The following KATNAL2 variants were observed in gnomAD, a reference collection of about 807,000 sequenced individuals.
KATNAL2 encodes katanin p60 ATPase-containing subunit A-like 2.
A neutral mutation model predicts 76.3 loss-of-function variants in KATNAL2; 52 were observed. The observed-to-expected ratio is 0.68, with a 90% CI of 0.55 to 0.86. The LOEUF (loss-of-function observed/expected upper bound fraction) is 0.86. Among genes scored for constraint, KATNAL2 ranks in the 40% least tolerant of loss-of-function variants. KATNAL2 has a pLI of 0.00. For missense variants in KATNAL2, 660 were observed against 668.9 expected (o/e 0.99, Z 0.15); for synonymous variants, 243 against 244.2 (o/e 1.00, Z 0.05).
chr18:47,049,363 C>G (rs919338337), intron 4 of KATNAL2, among the ~76,000 whole-genome samples: 14 of 152,182 alleles, frequency 9.2e-5, no homozygotes, highest in Non-Finnish European at 1.9e-4. Flanking sequence ...TCTTAATACC[C>G]AACTTGGTTC....
intron 3 of KATNAL2, among the ~76,000 whole-genome samples, chr18:46,947,373 C>A (rs1012633321): frequency 6.6e-6 from 1 of 152,086 alleles, no homozygotes; most frequent in Non-Finnish European, 1.5e-5. Flanking sequence ...ATTTAATTCC[C>A]CTCTTGGGCT....
At chr18:47,028,318 TGCCGCCGCCGCTCACGCTGCC>T (rs756714594) in intron 3 of KATNAL2, 2 of 116,616 alleles carry the variant, frequency 1.7e-5, no homozygotes, top group Non-Finnish European at 1.3e-5. Flanking sequence ...CGGTTGCTGC[TGCCGCCGCCGCTCACGCTGCC>T]GCCGTCGCCG....
At chr18:46,948,743 T>C (rs2146680941) in intron 3 of KATNAL2, among the ~76,000 whole-genome samples, 1 of 152,050 alleles carries the variant, frequency 6.6e-6, no homozygotes, top group East Asian at 1.9e-4. Flanking sequence ...TCTAATACTA[T>C]CTATATACCA....
intron 6 of KATNAL2, 125 bp from the exon 7 acceptor site, chr18:47,058,110 A>T: frequency 1.4e-6 from 1 of 709,556 alleles, no homozygotes; most frequent in Non-Finnish European, 2.5e-6. Flanking sequence ...GAAGGGCCCT[A>T]TAGTTGCCAC....
chr18:47,078,783 C>T (rs1372096951), intron 15 of KATNAL2, among the ~76,000 whole-genome samples: 1 of 151,940 alleles, frequency 6.6e-6, no homozygotes, highest in Admixed American at 6.6e-5. Context: ...TTTCCTAAGC[C>T]CAAATAAAAT....
rs116796211 is a variant in KATNAL2, at chr18:46,944,770, A to G, written c.-509-1287A>G. Among the ~76,000 whole-genome samples the G allele has an allele frequency of 4.3e-3, 653 of 152,234 alleles. 5 individuals carry two copies. Among genetic ancestry groups the G allele is most frequent in the African/African-American group, 0.015 (632 of 41,558 alleles). On this transcript the variant is annotated intron_variant, in intron 1 of 17. Transcript: ENST00000683218. ...AATAAATAAAAATAAAAAATAAAGTATATGGAAATTAGCTGGGCGTGGTGG... is the reference window on the plus strand; with the variant it reads ...AATAAATAAAAATAAAAAATAAAGTGTATGGAAATTAGCTGGGCGTGGTGG...
intron 8 of KATNAL2, 62 bp from the exon 9 acceptor site, chr18:47,062,910 A>T: frequency 7.6e-7 from 1 of 1,318,652 alleles, no homozygotes; most frequent in Non-Finnish European, 1.1e-6. Flanking sequence ...AATGAAACTG[A>T]GTTATTAAGA....
intron 3 of KATNAL2, among the ~76,000 whole-genome samples, chr18:46,956,652 T>A (rs1211447161): frequency 6.6e-6 from 1 of 152,242 alleles, no homozygotes; most frequent in East Asian, 1.9e-4. Flanking sequence ...GAGCAAGAAC[T>A]CTGGCAAGTT....
At chr18:47,034,151 T>C in intron 3 of KATNAL2, 1 of 1,614,214 alleles carries the variant, frequency 6.2e-7, no homozygotes, top group Non-Finnish European at 8.5e-7. Context: ...TCCTCAGCCA[T>C]ATCTACCTCC....
chr18:46,929,992 C>G (rs1010635474), intron 1 of KATNAL2, among the ~76,000 whole-genome samples: 1 of 152,048 alleles, frequency 6.6e-6, no homozygotes, highest in African/African-American at 2.4e-5. Flanking sequence ...CCAGGCTGGT[C>G]TCGAACACTT....
At chr18:47,069,637 T>C in intron 13 of KATNAL2, 37 bp downstream of exon 13, 1 of 1,399,044 alleles carries the variant, frequency 7.1e-7, no homozygotes, top group Non-Finnish European at 1.0e-6. Flanking sequence ...AAATAAGTTC[T>C]AGTGTAATAC....
At position 47,087,752 on chromosome 18, in the gene KATNAL2, C is replaced by CTGTGTGTGTGTGTG. The variant is rs35852657; in HGVS notation, c.1211+10309_1211+10322dup. Among the ~76,000 whole-genome samples, 316 of 148,540 alleles carry CTGTGTGTGTGTGTG rather than the reference C, an allele frequency of 2.1e-3. 2 individuals carry two copies. The highest frequency in any genetic ancestry group is 6.3e-3 in the African/African-American group (257 of 40,482). On this transcript the variant is annotated intron_variant, in intron 15 of 17. Transcript: ENST00000683218. ...TAAGTCTCTCCAAACTCTTTTACATCTGTGTGTGTGTGTGTGTGTGTGTGT... is the reference window on the plus strand; with the variant it reads ...TAAGTCTCTCCAAACTCTTTTACATCTGTGTGTGTGTGTGTGTGTGTGTGTGTGTGTGTGTGTGT...
At chr18:47,037,731 T>A (rs1001788602) in intron 3 of KATNAL2, among the ~76,000 whole-genome samples, 1 of 152,240 alleles carries the variant, frequency 6.6e-6, no homozygotes, top group African/African-American at 2.4e-5. Context: ...TTTCCTGCTT[T>A]ACTCTTACTG....
chr18:47,036,933 TAGTC>T (rs1181947357), intron 3 of KATNAL2, among the ~76,000 whole-genome samples: 1 of 152,204 alleles, frequency 6.6e-6, no homozygotes, highest in African/African-American at 2.4e-5. Context: ...AGCCAGGAGA[TAGTC>T]AGGAAACAAA....
At chr18:46,919,299 C>T (rs1397202903) in intron 1 of KATNAL2, among the ~76,000 whole-genome samples, 1 of 151,962 alleles carries the variant, frequency 6.6e-6, no homozygotes, top group Non-Finnish European at 1.5e-5. Flanking sequence ...CCAGCCTGAC[C>T]AACATGGAGA....
rs1359862067 is a variant in KATNAL2 at position 47,058,256 on chromosome 18, A to G, written c.354A>G (p.Gln118=). 1 of 1,613,834 alleles carries G rather than the reference A, an allele frequency of 6.2e-7. No homozygotes were observed. Among genetic ancestry groups the G allele is most frequent in the Non-Finnish European group, 8.5e-7 (1 of 1,179,708 alleles). The change falls in exon 7 of 18, where the codon CAA becomes CAG. Residue 118 remains glutamine (Q), a synonymous_variant. Coordinates refer to ENST00000683218, the MANE Select transcript of KATNAL2 (RefSeq NM_001387690.1). ...TTAGGATGATGAACGACAGTTGTCA[A>G]AATCTTCCCAAGATCAATCAGCAGA... ...KTRRMMNDSC[Q]NLPKINQQRP... is the part of the protein sequence containing the mutation.
At position 47,046,495 on chromosome 18, in the gene KATNAL2, C is replaced by G; in HGVS notation, c.90C>G (p.Leu30=). The part of the protein sequence containing the change: ...MRTEARRKNL[L]ILISHYLTQE... ...CAGAAGCACGACGAAAAAATCTTCTCATTTTGATTTCGCATTATTTAACAC... is the reference window on the plus strand; with the variant it reads ...CAGAAGCACGACGAAAAAATCTTCTGATTTTGATTTCGCATTATTTAACAC... Residue 30 remains leucine (L), a synonymous_variant, in exon 4 of 18, where the codon CTC becomes CTG. Coordinates refer to ENST00000683218, the MANE Select transcript of KATNAL2 (RefSeq NM_001387690.1). The G allele has an allele frequency of 1.3e-6, 2 of 1,535,938 alleles. No homozygotes were observed. The highest frequency in any genetic ancestry group is 2.4e-5 in the South Asian group (2 of 84,054).
chr18:47,061,499 C>T (rs953088091), intron 8 of KATNAL2, among the ~76,000 whole-genome samples: 1 of 152,192 alleles, frequency 6.6e-6, no homozygotes, highest in African/African-American at 2.4e-5. Context: ...AAACACCTCC[C>T]ACCAGGCCCA....
At chr18:47,044,271 A>C (rs1185160595) in intron 3 of KATNAL2, among the ~76,000 whole-genome samples, 1 of 152,190 alleles carries the variant, frequency 6.6e-6, no homozygotes, top group African/African-American at 2.4e-5. Context: ...CCACATTCAA[A>C]GCTATCCTGG....
Sources: gnomAD v4.1 joint callset for allele counts (sites outside exome capture counted in the v4.1 genomes callset) on GRCh38, gnomAD v4.1.1 for gene constraint, MANE v1.5 for transcripts, NCBI Gene and HGNC (gene_info 2026-07-23, HGNC 2026-07-21) for gene names.